FOXJ3: variants seen among roughly 807,000 people sequenced by gnomAD.
The protein encoded by FOXJ3 is forkhead box J3, also known as forkhead box protein J3.
FOXJ3 carries 22 observed loss-of-function variants against 76.1 expected under a neutral mutation model. That is an observed-to-expected ratio of 0.29 (90% CI 0.21 to 0.41). The LOEUF is 0.41. Among genes scored for constraint, FOXJ3 ranks in the 10% least tolerant of loss-of-function variants. The pLI, the probability that FOXJ3 is intolerant of heterozygous loss-of-function variation, is 1.00. For synonymous variants in FOXJ3, 269 were observed against 261.2 expected (o/e 1.03, Z -0.29); for missense variants, 613 against 762.1 (o/e 0.80, Z 2.30).
In FOXJ3 at chr1:42,243,087, A is replaced by G. The variant is rs1649278010; in HGVS notation, c.445-15121T>C. Among the ~76,000 whole-genome samples the G allele has an allele frequency of 2.6e-5, 4 of 152,348 alleles. 1 individual carries two copies. The Middle Eastern group carries it at 0.01, about 389-fold the overall frequency. On this transcript the variant is annotated intron_variant, in intron 4 of 12. Coordinates refer to ENST00000361346, the MANE Select transcript of FOXJ3 (RefSeq NM_014947.5). ...GTAGGTAAAAAATACTGTTCCCAGG[A>G]AAGTTACCCTGAAGCAAAATAAAGT...
intron 1 of FOXJ3, among the ~76,000 whole-genome samples, chr1:42,318,579 A>G (rs1482295406): frequency 1.3e-5 from 2 of 152,196 alleles, no homozygotes; most frequent in South Asian, 4.1e-4. Context: ...TCCCGACGTC[A>G]GGTGATCCGC....
rs1655514019 is a variant in FOXJ3, at chr1:42,322,893, C to G, written c.-17-11783G>C. Among the ~76,000 whole-genome samples the G allele has an allele frequency of 1.3e-5, 2 of 152,126 alleles. 1 individual carries two copies. Among genetic ancestry groups the G allele is most frequent in the South Asian group, 4.1e-4 (2 of 4,832 alleles). On this transcript the variant is annotated intron_variant, in intron 1 of 12. Transcript: ENST00000361346. ...GAGGGTAACAGTACCATGTATTCCT[C>G]ACTACTTAGTTCACAACTGGAGTAT... is the stretch of plus-strand genomic sequence containing the variant.
intron 12 of FOXJ3, among the ~76,000 whole-genome samples, chr1:42,180,095 T>C (rs1303817289): frequency 1.3e-5 from 2 of 152,218 alleles, no homozygotes; most frequent in Non-Finnish European, 2.9e-5. Context: ...CCTTCCATTA[T>C]ACCAGGCTGC....
At position 42,323,611 on chromosome 1, in the gene FOXJ3, C is replaced by T. The variant is rs573277812; in HGVS notation, c.-18+11448G>A. 2.5e-5 allele frequency: 16 copies of T among 650,294 alleles called. No homozygotes were observed. The South Asian group carries it at 1.0e-3, about 41-fold the overall frequency. 40.3% of individuals were successfully genotyped at this position (650,294 alleles called of 1,614,324 possible). On this transcript the variant is annotated intron_variant, in intron 1 of 12. Transcript: ENST00000361346. ...TCATCATCATAAGCAAAAAACACTC[C>T]CTCTTCTCAGTAAACCCATAGCTCT... is the stretch of plus-strand genomic sequence containing the variant.
At chr1:42,221,732 T>C (rs1172315916) in intron 5 of FOXJ3, among the ~76,000 whole-genome samples, 1 of 151,220 alleles carries the variant, frequency 6.6e-6, no homozygotes, top group Non-Finnish European at 1.5e-5. Flanking sequence ...ACCTAAGATA[T>C]ATGTTCCCTC....
rs114089891 is a variant in FOXJ3 at position 42,307,830 on chromosome 1, C to T, written c.44+3220G>A. Reference sequence around the variant, plus strand: ...ATAAAAAAGGCAAGTTCTGTCTTTCCAAATTTTCTACAATATGTACTACTT... The same window carrying T: ...ATAAAAAAGGCAAGTTCTGTCTTTCTAAATTTTCTACAATATGTACTACTT... On this transcript the variant is annotated intron_variant, in intron 2 of 12. Coordinates refer to ENST00000361346, the MANE Select transcript of FOXJ3 (RefSeq NM_014947.5). Among the ~76,000 whole-genome samples, 582 of 151,654 alleles carry T rather than the reference C, an allele frequency of 3.8e-3. 2 individuals carry two copies. Among genetic ancestry groups the T allele is most frequent in the African/African-American group, 9.0e-3 (368 of 41,022 alleles).
chr1:42,242,278 T>G (rs1179327929), intron 4 of FOXJ3, among the ~76,000 whole-genome samples: 1 of 151,804 alleles, frequency 6.6e-6, no homozygotes, highest in Non-Finnish European at 1.5e-5. Context: ...CGAAACTTAT[T>G]AAATACCAGA....
chr1:42,323,311 A>T (rs1655542121), intron 1 of FOXJ3, among the ~76,000 whole-genome samples: 1 of 152,188 alleles, frequency 6.6e-6, no homozygotes. Flanking sequence ...CAAGAAAATG[A>T]TGATCGGTAT....
At chr1:42,186,804 T>A (rs183130843) in intron 11 of FOXJ3, among the ~76,000 whole-genome samples, 17 of 152,248 alleles carry the variant, frequency 1.1e-4, no homozygotes, top group Admixed American at 2.0e-4. Flanking sequence ...TTCACCAACA[T>A]GAGAGCTGCT....
At chr1:42,265,072 G>T in intron 4 of FOXJ3, 43 bp downstream of exon 4, 1 of 1,158,380 alleles carries the variant, frequency 8.6e-7, no homozygotes, top group South Asian at 1.2e-5. Context: ...CATGACAAGT[G>T]ACATACTGAA....
At chr1:42,211,791 G>A (rs1209453714) in intron 5 of FOXJ3, among the ~76,000 whole-genome samples, 1 of 152,154 alleles carries the variant, frequency 6.6e-6, no homozygotes, top group Admixed American at 6.5e-5. Context: ...AAGATTCTCT[G>A]TAACCAAGAA....
intron 1 of FOXJ3, among the ~76,000 whole-genome samples, chr1:42,329,401 T>C (rs1484117526): frequency 6.6e-6 from 1 of 152,230 alleles, no homozygotes; most frequent in African/African-American, 2.4e-5. Flanking sequence ...AAAATCATGT[T>C]ATGCCAATTA....
At chr1:42,312,668 G>T (rs747443592) in intron 1 of FOXJ3, among the ~76,000 whole-genome samples, 2 of 152,250 alleles carry the variant, frequency 1.3e-5, no homozygotes, top group African/African-American at 2.4e-5. Context: ...GTGGAAACTA[G>T]AAAGGTATGC....
chr1:42,260,395 A>G (rs1650942366), intron 4 of FOXJ3, among the ~76,000 whole-genome samples: 1 of 152,170 alleles, frequency 6.6e-6, no homozygotes, highest in Admixed American at 6.5e-5. Context: ...GCTACAGAAT[A>G]GGAATAGAAA....
chr1:42,181,929 T>C lies in FOXJ3; in HGVS notation c.1741A>G (p.Thr581Ala), dbSNP rs761456277. 6 of 1,608,846 alleles carry C rather than the reference T, an allele frequency of 3.7e-6. No individual in the cohort carries two copies. In the Admixed American group the frequency reaches 8.3e-5, roughly 22 times the overall value. ...HIPQALSTPGTTMAGHHRAMN... is the reference protein window; with the variant it reads ...HIPQALSTPGATMAGHHRAMN... ...CTCTCTCTCTTACCTGCCATCGTTG[T>C]TCCTGGAGTGCTGAGTGCCTGTGGG... The change falls in exon 12 of 13, where the codon ACA becomes GCA. Residue 581 changes from threonine (T) to alanine (A), a missense_variant. Physicochemically the swap from Thr to Ala is moderately conservative, Grantham distance 58. Transcript: ENST00000361346.
Position 42,278,813 on chromosome 1 carries a change from G to C in FOXJ3, c.45-141C>G, listed in dbSNP as rs1652482717. 3 of 600,036 alleles carry C rather than the reference G, an allele frequency of 5.0e-6. No individual in the cohort carries two copies. The South Asian group carries it at 7.7e-5, about 15-fold the overall frequency. The allele number at this position is 600,036 out of a possible 1,614,324, so 37.2% of individuals were successfully genotyped here. On this transcript the variant is annotated intron_variant, in intron 2 of 12. Coordinates refer to ENST00000361346, the MANE Select transcript of FOXJ3 (RefSeq NM_014947.5). The stretch of plus-strand genomic sequence containing the variant: ...GAGGAAAAAGATTGAGTATGTTAAT[G>C]AGCAAACCAAATATTTAAGGGATCA...
intron 2 of FOXJ3, among the ~76,000 whole-genome samples, chr1:42,301,985 C>T (rs547070843): frequency 6.6e-6 from 1 of 152,210 alleles, no homozygotes; most frequent in African/African-American, 2.4e-5. Flanking sequence ...TTCTCCCCTT[C>T]AGAAGGTGTC....
At chr1:42,322,791 C>A (rs1181709205) in intron 1 of FOXJ3, among the ~76,000 whole-genome samples, 1 of 151,922 alleles carries the variant, frequency 6.6e-6, no homozygotes, top group East Asian at 1.9e-4. Context: ...TGAATATGAG[C>A]CAAGAGAGTG....
chr1:42,229,599 T>C (rs979997153), intron 4 of FOXJ3, among the ~76,000 whole-genome samples: 1 of 152,168 alleles, frequency 6.6e-6, no homozygotes, highest in African/African-American at 2.4e-5. Context: ...TTCTATGTTA[T>C]CTTTTCAAAA....
Sources: allele counts gnomAD v4.1 joint callset (sites outside exome capture counted in the v4.1 genomes callset), GRCh38; gene constraint gnomAD v4.1.1; transcripts MANE v1.5; gene names NCBI Gene and HGNC (gene_info 2026-07-23, HGNC 2026-07-21).